TMEM156: variants seen among roughly 807,000 people sequenced by gnomAD.
TMEM156 encodes transmembrane protein 156.
Under a neutral mutation model 30.5 loss-of-function variants are expected in TMEM156, and 28 were observed. The observed-to-expected ratio is 0.92, with a 90% CI of 0.68 to 1.26. The LOEUF (loss-of-function observed/expected upper bound fraction) is 1.26, where lower values mean the gene tolerates loss of function less well. Among genes scored for constraint, TMEM156 ranks in the 50% most tolerant of loss-of-function variants. The pLI, the probability that TMEM156 is intolerant of heterozygous loss-of-function variation, is 0.00. For missense variants in TMEM156, 351 were observed against 340.6 expected (o/e 1.03, Z -0.24); for synonymous variants, 137 against 119.9 (o/e 1.14, Z -0.93).
chr4:38,972,225 T>C (rs943987309), intron 5 of TMEM156, among the ~76,000 whole-genome samples: 3 of 150,248 alleles, frequency 2.0e-5, no homozygotes, highest in African/African-American at 7.3e-5. Flanking sequence ...AGAAATACTG[T>C]AGAACCTTCT....
At chr4:38,969,130 G>A (rs745355983) in intron 6 of TMEM156, among the ~76,000 whole-genome samples, 6 of 152,128 alleles carry the variant, frequency 3.9e-5, no homozygotes, top group Admixed American at 2.6e-4. Context: ...TTATAGTCAC[G>A]CTACTGTGCT....
At chr4:39,007,228 A>T (rs1713801218) in intron 1 of TMEM156, among the ~76,000 whole-genome samples, 1 of 152,150 alleles carries the variant, frequency 6.6e-6, no homozygotes, top group Non-Finnish European at 1.5e-5. Context: ...CTGAGAGGAA[A>T]AAGTCCCGTC....
chr4:38,992,665 C>CATATATATATA (rs1560366508), intron 3 of TMEM156, among the ~76,000 whole-genome samples: 14 of 97,814 alleles, frequency 1.4e-4, no homozygotes, highest in African/African-American at 4.3e-4. Context: ...CAATGTGCTA[C>CATATATATATA]ATATATATAT....
At chr4:38,975,729 C>T (rs1456432467) in intron 5 of TMEM156, among the ~76,000 whole-genome samples, 2 of 152,034 alleles carry the variant, frequency 1.3e-5, no homozygotes, top group African/African-American at 2.4e-5. Context: ...AAGATAGTCC[C>T]CAGGAGTCCC....
intron 6 of TMEM156, among the ~76,000 whole-genome samples, chr4:38,969,234 C>T (rs1380628383): frequency 3.9e-5 from 6 of 152,178 alleles, no homozygotes. Flanking sequence ...TCATCCTCTC[C>T]CCACAACTTA....
intron 5 of TMEM156, among the ~76,000 whole-genome samples, chr4:38,984,916 C>T (rs1711867537): frequency 6.6e-6 from 1 of 152,140 alleles, no homozygotes; most frequent in African/African-American, 2.4e-5. Context: ...AAGTCACAGG[C>T]TCATAAATAC....
intron 1 of TMEM156, among the ~76,000 whole-genome samples, chr4:39,013,545 C>T (rs1189693439): frequency 6.6e-6 from 1 of 151,862 alleles, no homozygotes; most frequent in Non-Finnish European, 1.5e-5. Context: ...GGACTACAGG[C>T]ACACCTCACC....
chr4:38,975,785 G>A (rs1040688303), intron 5 of TMEM156, among the ~76,000 whole-genome samples: 10 of 152,080 alleles, frequency 6.6e-5, no homozygotes, highest in African/African-American at 1.9e-4. Context: ...CTCCTTGAGC[G>A]TGGGCAAGAC....
chr4:39,004,382 T>C (rs1292476249), intron 1 of TMEM156, among the ~76,000 whole-genome samples: 1 of 152,114 alleles, frequency 6.6e-6, no homozygotes, highest in Admixed American at 6.6e-5. Context: ...TTTTTAAACT[T>C]TTATTATAAA....
chr4:38,986,399 A>T lies in TMEM156; in HGVS notation c.760T>A (p.Ser254Thr). ...KWQSHRDKPT[S>T]VLLRGSDSEK... is the part of the protein sequence containing the mutation. ...GAATCACTTCCTCTTAAGAGAACAGATGTAGGTTTGTCTCTATGACCTATT... is the reference window on the plus strand; with the variant it reads ...GAATCACTTCCTCTTAAGAGAACAGTTGTAGGTTTGTCTCTATGACCTATT... Residue 254 changes from serine (S) to threonine (T), a missense_variant, in exon 5 of 7, where the codon TCT becomes ACT. Transcript: ENST00000381938. The T allele has an allele frequency of 6.2e-7, 1 of 1,613,350 alleles. No individual in the cohort carries two copies. Among genetic ancestry groups the T allele is most frequent in the African/African-American group, 1.3e-5 (1 of 75,028 alleles).
chr4:39,009,372 A>T (rs1425558912), intron 1 of TMEM156, among the ~76,000 whole-genome samples: 1 of 152,170 alleles, frequency 6.6e-6, no homozygotes, highest in Non-Finnish European at 1.5e-5. Flanking sequence ...ATTGAGGAGA[A>T]AGGATTCTTC....
chr4:38,972,048 C>T (rs1722621968), intron 5 of TMEM156, among the ~76,000 whole-genome samples: 1 of 151,966 alleles, frequency 6.6e-6, no homozygotes, highest in Admixed American at 6.6e-5. Context: ...CTCAGCCTCC[C>T]AAAGTGCTGG....
chr4:38,968,042 C>T (rs769024879), intron 6 of TMEM156, among the ~76,000 whole-genome samples: 13 of 152,156 alleles, frequency 8.5e-5, no homozygotes, highest in Middle Eastern at 3.2e-3. Flanking sequence ...AGTTATTCTC[C>T]CTTTTCAGGG....
At chr4:39,013,762 A>C (rs1291988845) in intron 1 of TMEM156, among the ~76,000 whole-genome samples, 1 of 152,190 alleles carries the variant, frequency 6.6e-6, no homozygotes, top group African/African-American at 2.4e-5. Flanking sequence ...GTCAACTGAA[A>C]AATGGTAAAA....
At chr4:38,986,282 A>G in intron 5 of TMEM156, 54 bp downstream of exon 5, 2 of 1,257,070 alleles carry the variant, frequency 1.6e-6, no homozygotes, top group Middle Eastern at 3.7e-4. Context: ...TAGTGAAACC[A>G]TGCAGCTTTG....
chr4:39,014,912 G>A (rs1356985320), intron 1 of TMEM156, among the ~76,000 whole-genome samples: 2 of 151,986 alleles, frequency 1.3e-5, no homozygotes, highest in East Asian at 3.8e-4. Flanking sequence ...TTGAAAGTTT[G>A]GCAGGAATTG....
intron 2 of TMEM156, 53 bp from the exon 3 acceptor site, chr4:38,994,051 A>G (rs2109958989): frequency 1.4e-6 from 2 of 1,467,324 alleles, no homozygotes; most frequent in Non-Finnish European, 1.9e-6. Flanking sequence ...CATAGCAAGA[A>G]AACACATACA....
intron 1 of TMEM156, among the ~76,000 whole-genome samples, chr4:39,020,365 A>G (rs1714778624): frequency 6.6e-6 from 1 of 151,962 alleles, no homozygotes; most frequent in African/African-American, 2.4e-5. Context: ...CTTTCCTTCA[A>G]ATATAACCAG....
intron 4 of TMEM156, among the ~76,000 whole-genome samples, chr4:38,986,955 T>C (rs187854548): frequency 1.8e-4 from 27 of 151,866 alleles, no homozygotes; most frequent in African/African-American, 6.5e-4. Context: ...TCAATAACAT[T>C]TAATGTGCTA....
Sources: gnomAD v4.1 joint callset for allele counts (sites outside exome capture counted in the v4.1 genomes callset) on GRCh38, gnomAD v4.1.1 for gene constraint, MANE v1.5 for transcripts, NCBI Gene and HGNC (gene_info 2026-07-23, HGNC 2026-07-21) for gene names.